ANO4: variants seen among roughly 807,000 people sequenced by gnomAD.
ANO4 encodes anoctamin 4.
ANO4 carries 69 observed loss-of-function variants against 141.9 expected under a neutral mutation model. That is an observed-to-expected ratio of 0.49 (90% confidence interval 0.40 to 0.59). The LOEUF (loss-of-function observed/expected upper bound fraction) is 0.59, where lower values mean the gene tolerates loss of function less well. Ranked by LOEUF, ANO4 falls within the 20% of genes least tolerant of loss-of-function variation. The pLI is 0.00. For missense variants in ANO4, 894 were observed against 1,162.2 expected, an observed-to-expected ratio of 0.77 and a Z score of 3.36; for synonymous variants, 350 against 394.3, an observed-to-expected ratio of 0.89 and a Z score of 1.33.
intron 23 of ANO4, among the ~76,000 whole-genome samples, 159 bp downstream of exon 23, chr12:101,110,715 A>T (rs2050630568): frequency 6.6e-6 from 1 of 152,246 alleles, no homozygotes; most frequent in Admixed American, 6.5e-5. Context: ...ATAATATTAG[A>T]CAAGAAGTAA....
At chr12:101,105,007 T>C (rs919770463) in intron 22 of ANO4, among the ~76,000 whole-genome samples, 4 of 152,172 alleles carry the variant, frequency 2.6e-5, no homozygotes, top group African/African-American at 9.7e-5. Context: ...TTTATCATTA[T>C]GTAAAGTAAT....
Position 101,040,096 on chromosome 12 carries a change from C to T in ANO4, c.1019+20C>T. ...TGTAAGGTGAGTTTTTAATCAGCTG[C>T]AAATATAAAGCTTGCACAGAATGAT... On this transcript the variant is annotated intron_variant, in intron 11 of 27. Transcript: ENST00000392977. 1 of 1,595,820 alleles carries T rather than the reference C, an allele frequency of 6.3e-7. No individual in the cohort carries two copies. Among genetic ancestry groups the T allele is most frequent in the Non-Finnish European group, 8.6e-7 (1 of 1,168,908 alleles).
chr12:100,908,309 G>A (rs1293149436), intron 2 of ANO4, among the ~76,000 whole-genome samples: 4 of 152,170 alleles, frequency 2.6e-5, no homozygotes, highest in East Asian at 3.9e-4. Flanking sequence ...AGATTGCGCC[G>A]CTGCACTGCA....
At chr12:100,810,419 A>G (rs2035340547) in intron 1 of ANO4, among the ~76,000 whole-genome samples, 1 of 152,162 alleles carries the variant, frequency 6.6e-6, no homozygotes, top group Non-Finnish European at 1.5e-5. Context: ...GATTTTATCC[A>G]GAATGAGATG....
intron 1 of ANO4, among the ~76,000 whole-genome samples, chr12:100,810,781 A>C (rs930209642): frequency 3.3e-5 from 5 of 152,096 alleles, no homozygotes; most frequent in African/African-American, 1.2e-4. Flanking sequence ...TGAGGGAAGT[A>C]TAGCCAGGGA....
chr12:100,834,534 A>G (rs2036802269), intron 1 of ANO4, among the ~76,000 whole-genome samples: 1 of 145,468 alleles, frequency 6.9e-6, no homozygotes, highest in Admixed American at 6.7e-5. Context: ...TTCATGACAT[A>G]TTTATTAACC....
chr12:100,758,742 C>T (rs929001412), intron 3 of ANO4, among the ~76,000 whole-genome samples: 4 of 152,274 alleles, frequency 2.6e-5, no homozygotes, highest in African/African-American at 9.6e-5. Flanking sequence ...GTTCTGAAGG[C>T]CAGAAGTTTG....
chr12:100,719,615 A>C (rs547401689), intron 1 of ANO4, among the ~76,000 whole-genome samples: 1 of 152,270 alleles, frequency 6.6e-6, no homozygotes, highest in South Asian at 2.1e-4. Flanking sequence ...TGATTTAATA[A>C]ATGCTTTATT....
chr12:100,870,394 A>G (rs946008599), intron 1 of ANO4, among the ~76,000 whole-genome samples: 4 of 152,200 alleles, frequency 2.6e-5, no homozygotes, highest in African/African-American at 9.6e-5. Context: ...AATTCAGTTA[A>G]GCAGCATTGG....
intron 8 of ANO4, among the ~76,000 whole-genome samples, chr12:100,993,154 A>G (rs2045216682): frequency 1.3e-5 from 2 of 152,146 alleles, no homozygotes; most frequent in African/African-American, 4.8e-5. Context: ...GTGCCACCAT[A>G]CTCCAGCCTG....
At chr12:101,071,350 AAAG>A (rs1267923504) in intron 14 of ANO4, among the ~76,000 whole-genome samples, 2 of 151,786 alleles carry the variant, frequency 1.3e-5, no homozygotes, top group African/African-American at 4.9e-5. Flanking sequence ...AAAAAAAAAA[AAAG>A]AGAATGACAT....
intron 7 of ANO4, among the ~76,000 whole-genome samples, chr12:100,975,756 A>G (rs1356952978): frequency 7.2e-5 from 11 of 151,818 alleles, no homozygotes. Context: ...ATTTTTTTCT[A>G]CAAAAATTCC....
At chr12:100,756,446 T>A (rs1306334968) in intron 3 of ANO4, among the ~76,000 whole-genome samples, 3 of 152,156 alleles carry the variant, frequency 2.0e-5, no homozygotes, top group Non-Finnish European at 4.4e-5. Flanking sequence ...GCCTCCCAGA[T>A]TCAAGTGATT....
intron 3 of ANO4, among the ~76,000 whole-genome samples, chr12:100,786,465 G>A (rs890418117): frequency 9.9e-5 from 15 of 152,140 alleles, no homozygotes; most frequent in African/African-American, 3.6e-4. Context: ...CTGCATTGGG[G>A]CAGGGCACTG....
chr12:100,749,147 A>C (rs1479804848), intron 3 of ANO4, among the ~76,000 whole-genome samples: 1 of 152,048 alleles, frequency 6.6e-6, no homozygotes, highest in African/African-American at 2.4e-5. Flanking sequence ...ATTCCAGAGG[A>C]GCTGGGGGTA....
intron 6 of ANO4, among the ~76,000 whole-genome samples, chr12:100,973,551 CCTTA>C (rs1210102908): frequency 6.6e-6 from 1 of 152,026 alleles, no homozygotes; most frequent in Admixed American, 6.5e-5. Flanking sequence ...AACTAATAGA[CCTTA>C]CTTTTTAGAG....
At chr12:100,866,529 G>T (rs761553179) in intron 1 of ANO4, among the ~76,000 whole-genome samples, 1 of 152,146 alleles carries the variant, frequency 6.6e-6, no homozygotes, top group Non-Finnish European at 1.5e-5. Context: ...TGTTGTATCA[G>T]CAACCCAGCT....
intron 7 of ANO4, among the ~76,000 whole-genome samples, chr12:100,977,514 C>T (rs532811339): frequency 1.3e-5 from 2 of 152,180 alleles, no homozygotes; most frequent in South Asian, 2.1e-4. Context: ...AGTGAGGCCC[C>T]ATCTCTAAAA....
chr12:100,833,861 C>A (rs2036761015), intron 1 of ANO4, among the ~76,000 whole-genome samples: 1 of 152,114 alleles, frequency 6.6e-6, no homozygotes, highest in Non-Finnish European at 1.5e-5. Context: ...GACTTGCATT[C>A]TTCTCTGAGC....
Sources: allele counts gnomAD v4.1 joint callset (sites outside exome capture counted in the v4.1 genomes callset), GRCh38; gene constraint gnomAD v4.1.1; transcripts MANE v1.5; gene names NCBI Gene and HGNC (gene_info 2026-07-23, HGNC 2026-07-21).